The following CHD7 variants were observed in gnomAD, a reference collection of about 807,000 sequenced individuals.
CHD7 encodes ATP-dependent chromatin remodeler CHD7.
A neutral mutation model predicts 307.3 loss-of-function variants in CHD7; 24 were observed. The ratio of observed to expected loss-of-function variants is 0.08; its 90% CI spans 0.06 to 0.11. The LOEUF is 0.11. Ranked by LOEUF, CHD7 falls within the 10% of genes least tolerant of loss-of-function variation. CHD7 has a pLI of 1.00. For synonymous variants in CHD7, 1,363 were observed against 1,349.9 expected, an observed-to-expected ratio of 1.01 and a Z score of -0.21; for missense variants, 3,106 against 3,727.1, an observed-to-expected ratio of 0.83 and a Z score of 4.34.
rs1029232287 is a variant in CHD7, at chr8:60,717,126, G to A, written c.-174-24133G>A. ...TGGGTACGTAATGTTCATTTGTCCCGTTTACTGGTGATACGTACTTTGATC... is the reference window on the plus strand; with the variant it reads ...TGGGTACGTAATGTTCATTTGTCCCATTTACTGGTGATACGTACTTTGATC... On this transcript the variant is annotated intron_variant, in intron 1 of 37. Transcript: ENST00000423902. Among the ~76,000 whole-genome samples the A allele has an allele frequency of 4.7e-5, 7 of 148,756 alleles. 1 individual carries two copies. Among genetic ancestry groups the A allele is most frequent in the South Asian group, 4.2e-4 (2 of 4,730 alleles).
At position 60,822,591 on chromosome 8, in the gene CHD7, C is replaced by T; in HGVS notation, c.3046C>T (p.His1016Tyr). Residue 1016 changes from histidine (H) to tyrosine (Y), a missense_variant, in exon 12 of 38, where the codon CAT becomes TAT. By Grantham distance (83) the His-to-Tyr change is moderately conservative. This residue lies in a region of CHD7 where 188 missense variants were observed against 261.7 expected (regional missense o/e 0.72). Transcript: ENST00000423902. ...FLYEIYLKGI[H>Y]GPFLVIAPLS... ...CTATGAGATATATTTGAAAGGAATC[C>T]ATGGCCCTTTTTTAGTAATTGCCCC... The T allele has an allele frequency of 6.2e-7, 1 of 1,613,752 alleles. No homozygotes were observed. The highest frequency in any genetic ancestry group is 1.1e-5 in the South Asian group (1 of 91,078).
At chr8:60,730,952 G>A (rs1808423235) in intron 1 of CHD7, among the ~76,000 whole-genome samples, 1 of 152,008 alleles carries the variant, frequency 6.6e-6, no homozygotes, top group Admixed American at 6.5e-5. Flanking sequence ...ATGAAGTATT[G>A]CATTGACCTG....
At chr8:60,795,945 C>A (rs1812008880) in intron 4 of CHD7, among the ~76,000 whole-genome samples, 1 of 152,182 alleles carries the variant, frequency 6.6e-6, no homozygotes, top group African/African-American at 2.4e-5. Context: ...AAGCCAGCCT[C>A]TAGAAGCTTA....
chr8:60,822,242 T>C, intron 11 of CHD7, 97 bp downstream of exon 11: 1 of 1,085,306 alleles, frequency 9.2e-7, no homozygotes, highest in Non-Finnish European at 1.3e-6. Flanking sequence ...GTTTTAACTC[T>C]AATAAGAGCT....
chr8:60,848,743 C>A, intron 24 of CHD7, 139 bp downstream of exon 24: 2 of 728,258 alleles, frequency 2.7e-6, no homozygotes. Context: ...CAGTATTTGT[C>A]CTTCGTGCTT....
intron 1 of CHD7, among the ~76,000 whole-genome samples, chr8:60,719,444 CT>C (rs367763228): frequency 2.6e-5 from 4 of 151,928 alleles, no homozygotes; most frequent in African/African-American, 9.7e-5. Context: ...GGTTTATAAA[CT>C]TTTTTTTCAG....
chr8:60,742,727 ATCC>A lies in CHD7; in HGVS notation c.1298_1300del (p.Pro433del). On this transcript the variant is annotated inframe_deletion, in exon 2 of 38. Transcript: ENST00000423902. ...GTTGGCAGTTATCCAAATATGCCCC[ATCC>A]TCAGCCATCTCACCAGCCCCCTGGT... 1.2e-6 allele frequency: 2 copies of A among 1,613,928 alleles called. No individual in the cohort carries two copies. The highest frequency in any genetic ancestry group is 1.7e-6 in the Non-Finnish European group (2 of 1,179,806).
chr8:60,839,267 A>ACTC (rs1266155071), intron 19 of CHD7, among the ~76,000 whole-genome samples: 1 of 152,252 alleles, frequency 6.6e-6, no homozygotes, highest in Non-Finnish European at 1.5e-5. Context: ...AGCATGGATC[A>ACTC]GTAGTTCACT....
chr8:60,793,810 G>A (rs1331408912), intron 3 of CHD7, among the ~76,000 whole-genome samples: 5 of 152,158 alleles, frequency 3.3e-5, no homozygotes, highest in Non-Finnish European at 7.4e-5. Context: ...ATAACAAATA[G>A]TAATTGGTGT....
rs963271711 is a variant in CHD7, at chr8:60,738,809, T to C, written c.-174-2450T>C. On this transcript the variant is annotated intron_variant, in intron 1 of 37. Transcript: ENST00000423902. ...GGACCTTACCTGAGCATGGTTGTAG[T>C]TGTGCCGAGCGACATGCTTAGTTGA... 2.6e-5 allele frequency among the ~76,000 whole-genome samples: 4 copies of C among 152,080 alleles called. 1 individual carries two copies. Among genetic ancestry groups the C allele is most frequent in the African/African-American group, 9.7e-5 (4 of 41,410 alleles).
chr8:60,811,944 T>C (rs1170317434), intron 7 of CHD7, among the ~76,000 whole-genome samples: 6 of 152,246 alleles, frequency 3.9e-5, no homozygotes, highest in African/African-American at 1.4e-4. Flanking sequence ...TTCATAAGAT[T>C]AATGGCCACT....
chr8:60,864,827 A>C (rs759028269), intron 37 of CHD7, 189 bp from the exon 38 acceptor site: 1 of 622,004 alleles, frequency 1.6e-6, no homozygotes, highest in Admixed American at 3.0e-5. Context: ...ATTTTTCTGC[A>C]GTTCAGCAAG....
chr8:60,739,317 T>C (rs890655647), intron 1 of CHD7, among the ~76,000 whole-genome samples: 2 of 152,240 alleles, frequency 1.3e-5, no homozygotes, highest in Non-Finnish European at 2.9e-5. Flanking sequence ...TAAGCTATTA[T>C]CAAGTCCATT....
intron 9 of CHD7, among the ~76,000 whole-genome samples, chr8:60,821,026 C>G (rs1804007531): frequency 6.6e-6 from 1 of 152,124 alleles, no homozygotes; most frequent in Non-Finnish European, 1.5e-5. Context: ...TCTGCATTAC[C>G]TGAAATATTT....
At chr8:60,790,294 G>A (rs1053493140) in intron 3 of CHD7, among the ~76,000 whole-genome samples, 1 of 151,948 alleles carries the variant, frequency 6.6e-6, no homozygotes, top group East Asian at 1.9e-4. Flanking sequence ...CTCTAGCCTC[G>A]TGAGTGGATG....
chr8:60,696,672 T>C (rs945203020), intron 1 of CHD7, among the ~76,000 whole-genome samples: 6 of 152,072 alleles, frequency 3.9e-5, no homozygotes, highest in African/African-American at 1.4e-4. Flanking sequence ...AATTTTATAC[T>C]GCAAGGATTG....
intron 1 of CHD7, among the ~76,000 whole-genome samples, chr8:60,693,424 CCT>C (rs1483438033): frequency 2.0e-5 from 3 of 152,244 alleles, no homozygotes; most frequent in Non-Finnish European, 2.9e-5. Context: ...GAGGGTCCCC[CCT>C]CCAGCTCTGC....
At chr8:60,798,999 G>A (rs1812165450) in intron 4 of CHD7, among the ~76,000 whole-genome samples, 1 of 152,026 alleles carries the variant, frequency 6.6e-6, no homozygotes, top group South Asian at 2.1e-4. Flanking sequence ...TTAATAATCT[G>A]TTGTCTGTCT....
intron 2 of CHD7, among the ~76,000 whole-genome samples, chr8:60,765,333 T>TACACAC (rs551735552): frequency 1.3e-5 from 2 of 151,392 alleles, no homozygotes; most frequent in East Asian, 3.9e-4. Flanking sequence ...TATACATGCA[T>TACACAC]ACACACACAC....
Sources: gnomAD v4.1 joint callset for allele counts (sites outside exome capture counted in the v4.1 genomes callset) on GRCh38, gnomAD v4.1.1 for gene constraint, gnomAD v4.1.1 regional missense constraint, MANE v1.5 for transcripts, NCBI Gene and HGNC (gene_info 2026-07-23, HGNC 2026-07-21) for gene names.